Variants in KXD1 observed in about 807,000 individuals in gnomAD.
The protein encoded by KXD1 is KxDL motif containing 1, also known as kxDL motif-containing protein 1.
Under a neutral mutation model 12.1 loss-of-function variants are expected in KXD1, and 5 were observed. That is an observed-to-expected ratio of 0.41 (90% CI 0.22 to 0.87). KXD1 has a LOEUF of 0.87. KXD1 is among the 40% of genes least tolerant of loss of function. The probability of loss-of-function intolerance (pLI) is 0.31; values close to 1 mark genes in which losing one functional copy is unlikely to be tolerated. For synonymous variants in KXD1, 98 were observed against 100.5 expected, an observed-to-expected ratio of 0.98 and a Z score of 0.15; for missense variants, 193 against 244.9, an observed-to-expected ratio of 0.79 and a Z score of 1.41.
At chr19:18,565,421 G>A (rs1276682393) in intron 3 of KXD1, among the ~76,000 whole-genome samples, 1 of 152,110 alleles carries the variant, frequency 6.6e-6, no homozygotes, top group Non-Finnish European at 1.5e-5. Context: ...AGTGGAGATG[G>A]GGTTTCACCG....
Position 18,564,904 on chromosome 19 carries a change from T to G in KXD1, c.137T>G (p.Leu46Arg). Residue 46 changes from leucine (L) to arginine (R), a missense_variant, in exon 3 of 5, where the codon CTC becomes CGC. Leu to Arg is a moderately radical substitution (Grantham distance 102). Coordinates refer to ENST00000222307, the MANE Select transcript of KXD1 (RefSeq NM_024069.4). ...TTTGAGAAGACCAATGAGATGCTGC[T>G]CAACTTCAACAACCTGTCCAGTGCC... ...DRFEKTNEML[L>R]NFNNLSSARL... is the part of the protein sequence containing the mutation. 6.2e-7 allele frequency: 1 copy of G among 1,613,774 alleles called. No homozygotes were observed. The highest frequency in any genetic ancestry group is 1.7e-5 in the Admixed American group (1 of 60,000).
At chr19:18,566,105 A>G (rs1033067453) in intron 3 of KXD1, among the ~76,000 whole-genome samples, 2 of 151,668 alleles carry the variant, frequency 1.3e-5, no homozygotes, top group Non-Finnish European at 2.9e-5. Flanking sequence ...TGCTGGGATT[A>G]TAGGCATGAG....
At position 18,562,075 on chromosome 19, in the gene KXD1, G is replaced by T; in HGVS notation, c.19G>T (p.Ala7Ser). Residue 7 changes from alanine to serine, a missense_variant, in exon 2 of 5, where the codon GCC (alanine) becomes TCC (serine). By Grantham distance (99) the Ala-to-Ser change is moderately conservative. Transcript: ENST00000222307. ...GAAAGAGATGGACCTCCCGGACTCG[G>T]CCTCGAGGGTCTTCTGCGGCCGCAT... MDLPDSASRVFCGRILS... is the reference protein window; with the variant it reads MDLPDSSSRVFCGRILS... 6.2e-7 allele frequency: 1 copy of T among 1,613,258 alleles called. No homozygotes were observed. The highest frequency in any genetic ancestry group is 8.5e-7 in the Non-Finnish European group (1 of 1,179,600).
At position 18,564,899 on chromosome 19, in the gene KXD1, G is replaced by A. The variant is rs1568421422; in HGVS notation, c.132G>A (p.Met44Ile). 2.5e-6 allele frequency: 4 copies of A among 1,613,674 alleles called. No individual in the cohort carries two copies. Among genetic ancestry groups the A allele is most frequent in the African/African-American group, 1.3e-5 (1 of 74,922 alleles). ...MLDRFEKTNE[M>I]LLNFNNLSSA... is the part of the protein sequence containing the mutation. ...ACCGCTTTGAGAAGACCAATGAGAT[G>A]CTGCTCAACTTCAACAACCTGTCCA... The change falls in exon 3 of 5, where the codon ATG (methionine) becomes ATA (isoleucine). Residue 44 changes from methionine (M) to isoleucine (I), a missense_variant. Physicochemically the swap from Met to Ile is conservative, Grantham distance 10. Coordinates refer to ENST00000222307, the MANE Select transcript of KXD1 (RefSeq NM_024069.4).
chr19:18,565,019 C>A lies in KXD1; in HGVS notation c.252C>A (p.Ile84=), dbSNP rs1975135208. The A allele has an allele frequency of 6.3e-7, 1 of 1,589,640 alleles. No individual in the cohort carries two copies. The highest frequency in any genetic ancestry group is 1.5e-5 in the African/African-American group (1 of 68,684). ...KRDLDSIFRR[I]RTLKGKLARQ... is the part of the protein sequence containing the mutation. ...ACCTGGACAGCATCTTCCGCCGTAT[C>A]AGGTGGGTGCTCAGTGCCACCCCAG... is the stretch of plus-strand genomic sequence containing the variant. The change falls in exon 3 of 5, where the codon ATC becomes ATA. Residue 84 remains isoleucine, a splice_region_variant and synonymous_variant. Coordinates refer to ENST00000222307, the MANE Select transcript of KXD1 (RefSeq NM_024069.4).
rs764399858 is a variant in KXD1, at chr19:18,568,508, C to G, written c.408C>G (p.Thr136=). 2 of 1,614,090 alleles carry G rather than the reference C, an allele frequency of 1.2e-6. No individual in the cohort carries two copies. Among genetic ancestry groups the G allele is most frequent in the Non-Finnish European group, 1.7e-6 (2 of 1,179,996 alleles). The change falls in exon 5 of 5, where the codon ACC becomes ACG. Residue 136 remains threonine, a synonymous_variant. Coordinates refer to ENST00000222307, the MANE Select transcript of KXD1 (RefSeq NM_024069.4). ...TSEQSTGSCD[T]SPDTVSPSLS... ...AACAGAGCACGGGCTCATGTGACAC[C>G]AGCCCCGACACCGTCTCGCCCTCCC...
intron 4 of KXD1, among the ~76,000 whole-genome samples, chr19:18,568,042 T>C (rs952381531): frequency 6.6e-6 from 1 of 151,590 alleles, no homozygotes; most frequent in Non-Finnish European, 1.5e-5. Context: ...CTGAGGCGGG[T>C]GGATCACCTG....
chr19:18,565,126 TTTA>T, intron 3 of KXD1, 105 bp downstream of exon 3: 1 of 1,526,896 alleles, frequency 6.5e-7, no homozygotes, highest in Admixed American at 2.0e-5. Context: ...TTCTGTTTGT[TTTA>T]CAAGGCTTCA....
rs202190005 is a variant in KXD1 at position 18,562,203 on chromosome 19, C to T, written c.101+46C>T. 762 of 1,442,208 alleles carry T rather than the reference C, an allele frequency of 5.3e-4. 3 individuals carry two copies. Among genetic ancestry groups the T allele is most frequent in the Middle Eastern group, 1.4e-3 (8 of 5,744 alleles). 89.3% of individuals were successfully genotyped at this position (1,442,208 alleles called of 1,614,324 possible). ...CTGAGCGTGGGAAGGAATCCACAGGCTGGCCAACATTCTTGTCTTGCCCGC... is the reference window on the plus strand; with the variant it reads ...CTGAGCGTGGGAAGGAATCCACAGGTTGGCCAACATTCTTGTCTTGCCCGC... On this transcript the variant is annotated intron_variant, in intron 2 of 4. Coordinates refer to ENST00000222307, the MANE Select transcript of KXD1 (RefSeq NM_024069.4).
intron 4 of KXD1, among the ~76,000 whole-genome samples, 166 bp from the exon 5 acceptor site, chr19:18,568,236 T>C (rs1975352762): frequency 1.4e-5 from 2 of 140,446 alleles, no homozygotes; most frequent in Non-Finnish European, 3.0e-5. Context: ...CATTGCACTC[T>C]AGCCTGGGCA....
chr19:18,562,958 C>G (rs1206346570), intron 2 of KXD1, among the ~76,000 whole-genome samples: 2 of 152,278 alleles, frequency 1.3e-5, no homozygotes, highest in Non-Finnish European at 2.9e-5. Context: ...AGGCTAATAC[C>G]AAGCTTGTCC....
In KXD1 at chr19:18,568,385, G is replaced by A. The variant is rs1381055614; in HGVS notation, c.302-17G>A. On this transcript the variant is annotated splice_polypyrimidine_tract_variant and intron_variant, in intron 4 of 4. Transcript: ENST00000222307. Reference sequence around the variant, plus strand: ...TGGCAAGGTGACAAAACCAACTCTTGGGCCTCCTTCCCCCAGATATCCCAG... The same window carrying A: ...TGGCAAGGTGACAAAACCAACTCTTAGGCCTCCTTCCCCCAGATATCCCAG... The A allele has an allele frequency of 8.8e-6, 14 of 1,593,926 alleles. No individual in the cohort carries two copies. Among genetic ancestry groups the A allele is most frequent in the Non-Finnish European group, 1.1e-5 (13 of 1,162,644 alleles).
rs540239606 is a variant in KXD1, at chr19:18,558,022, G to A, written c.-22+108G>A. 14 of 152,520 alleles carry A rather than the reference G, an allele frequency of 9.2e-5. No individual in the cohort carries two copies. The East Asian group carries it at 2.7e-3, about 29-fold the overall frequency. The allele number at this position is 152,520 out of a possible 1,614,324, so 9.4% of individuals were successfully genotyped here. On this transcript the variant is annotated intron_variant, in intron 1 of 4. Coordinates refer to ENST00000222307, the MANE Select transcript of KXD1 (RefSeq NM_024069.4). ...GCGGCCCCCGGGCTGCGGTGGGGTGGGGTGCGCCACTGGCCACATCTGGTC... is the reference window on the plus strand; with the variant it reads ...GCGGCCCCCGGGCTGCGGTGGGGTGAGGTGCGCCACTGGCCACATCTGGTC...
chr19:18,563,839 A>T (rs1182375680), intron 2 of KXD1, among the ~76,000 whole-genome samples: 2 of 150,448 alleles, frequency 1.3e-5, no homozygotes, highest in Non-Finnish European at 3.0e-5. Flanking sequence ...TGGTTTCACC[A>T]TGTTGGCCAG....
intron 3 of KXD1, 141 bp from the exon 4 acceptor site, chr19:18,566,991 A>C: frequency 1.4e-6 from 1 of 706,718 alleles, no homozygotes; most frequent in Non-Finnish European, 2.5e-6. Context: ...GAGAGAGTGA[A>C]GATGTGAGGT....
At chr19:18,561,821 C>T in intron 1 of KXD1, 1 of 416,350 alleles carries the variant, frequency 2.4e-6, no homozygotes, top group East Asian at 4.5e-5. Context: ...GTACAGTTTA[C>T]AAATACAACC....
chr19:18,559,947 CTT>C (rs911779685), intron 1 of KXD1: 58 of 151,528 alleles, frequency 3.8e-4, no homozygotes, highest in African/African-American at 1.2e-3. Context: ...GTCTCTCTCT[CTT>C]TCTCTCCTTC....
intron 1 of KXD1, among the ~76,000 whole-genome samples, chr19:18,561,223 C>T (rs193259335): frequency 1.4e-3 from 218 of 151,992 alleles, no homozygotes; most frequent in African/African-American, 5.0e-3. Flanking sequence ...GGCAACATAG[C>T]GAGACCCTGT....
chr19:18,568,193 G>A (rs896912425), intron 4 of KXD1, among the ~76,000 whole-genome samples: 4 of 151,694 alleles, frequency 2.6e-5, no homozygotes, highest in South Asian at 2.1e-4. Flanking sequence ...CTTGAACCCG[G>A]GAGACGGAGG....
Sources: allele counts gnomAD v4.1 joint callset (sites outside exome capture counted in the v4.1 genomes callset), GRCh38; gene constraint gnomAD v4.1.1; transcripts MANE v1.5; gene names NCBI Gene and HGNC (gene_info 2026-07-23, HGNC 2026-07-21).